MYOF: variants seen among roughly 807,000 people sequenced by gnomAD.
The protein encoded by MYOF is fer-1-like 3, myoferlin.
In MYOF, 244 loss-of-function variants were observed where a neutral mutation model predicts 284.2. The observed-to-expected ratio is 0.86, with a 90% CI of 0.77 to 0.95. MYOF has a LOEUF of 0.95. Among genes scored for constraint, MYOF ranks in the 40% least tolerant of loss-of-function variants. The pLI is 0.00. For synonymous variants in MYOF, 904 were observed against 919.7 expected, an observed-to-expected ratio of 0.98 and a Z score of 0.31; for missense variants, 2,496 against 2,560.6, an observed-to-expected ratio of 0.97 and a Z score of 0.54.
rs779524437 is a variant in MYOF at position 93,369,747 on chromosome 10, C to A, written c.2487G>T (p.Lys829Asn). The A allele has an allele frequency of 3.1e-6, 5 of 1,614,158 alleles. No individual in the cohort carries two copies. The East Asian group carries it at 1.1e-4, about 36-fold the overall frequency. Reference sequence around the variant, plus strand: ...TGTTCACTCGCAACTCCACAGGCACCTTTGGCCCGTTGTTTTTCTCCTGTG... The same window carrying A: ...TGTTCACTCGCAACTCCACAGGCACATTTGGCCCGTTGTTTTTCTCCTGTG... ...KYPQEKNNGPKVPVELRVNIW... is the reference protein window; with the variant it reads ...KYPQEKNNGPNVPVELRVNIW... Residue 829 changes from lysine to asparagine, a missense_variant, in exon 25 of 54, where the codon AAG becomes AAT. By Grantham distance (94) the Lys-to-Asn change is moderately conservative. This residue lies in a region of MYOF where 2,436 missense variants were observed against 2,480.7 expected (regional missense o/e 0.98). Transcript: ENST00000359263.
chr10:93,338,723 A>G (rs1843729952), intron 39 of MYOF, among the ~76,000 whole-genome samples: 1 of 152,162 alleles, frequency 6.6e-6, no homozygotes, highest in Non-Finnish European at 1.5e-5. Context: ...GAAGTTCCCC[A>G]GGAGAGTCCA....
intron 36 of MYOF, among the ~76,000 whole-genome samples, chr10:93,348,721 T>C (rs542591117): frequency 2.8e-4 from 43 of 152,104 alleles, no homozygotes; most frequent in Non-Finnish European, 5.7e-4. Flanking sequence ...ATGTGCAAAC[T>C]CTGGCCACTC....
At chr10:93,460,227 A>G (rs968502901) in intron 1 of MYOF, among the ~76,000 whole-genome samples, 5 of 152,184 alleles carry the variant, frequency 3.3e-5, no homozygotes, top group African/African-American at 1.2e-4. Context: ...ACAAGTCCCA[A>G]GCCTGGTTCC....
chr10:93,433,588 A>G (rs1181921245), intron 3 of MYOF, among the ~76,000 whole-genome samples: 2 of 152,268 alleles, frequency 1.3e-5, no homozygotes, highest in African/African-American at 2.4e-5. Flanking sequence ...TTAAAGTGAT[A>G]GAAGAGATTC....
intron 16 of MYOF, among the ~76,000 whole-genome samples, chr10:93,393,610 T>A (rs1053318202): frequency 1.3e-5 from 2 of 152,262 alleles, no homozygotes; most frequent in African/African-American, 4.8e-5. Context: ...CTTTAGATAT[T>A]ATTTAATGAC....
chr10:93,340,064 A>T, intron 39 of MYOF, 89 bp downstream of exon 39: 1 of 1,414,134 alleles, frequency 7.1e-7, no homozygotes, highest in Non-Finnish European at 9.8e-7. Flanking sequence ...TGGGTGAAAG[A>T]GCGAGACTCC....
At chr10:93,427,641 T>C (rs1848656677) in intron 4 of MYOF, among the ~76,000 whole-genome samples, 1 of 151,634 alleles carries the variant, frequency 6.6e-6, no homozygotes, top group Non-Finnish European at 1.5e-5. Flanking sequence ...GAAACAAATA[T>C]GCAAACCATA....
intron 9 of MYOF, among the ~76,000 whole-genome samples, chr10:93,403,270 C>G (rs557863632): frequency 6.6e-6 from 1 of 152,346 alleles, no homozygotes; most frequent in Admixed American, 6.5e-5. Flanking sequence ...CCTCCTCCTC[C>G]TCCTTCTCCT....
At chr10:93,322,235 T>G (rs1842872202) in intron 48 of MYOF, among the ~76,000 whole-genome samples, 1 of 152,210 alleles carries the variant, frequency 6.6e-6, no homozygotes, top group Non-Finnish European at 1.5e-5. Context: ...ATGAATATAT[T>G]AAATGTCGCA....
chr10:93,315,456 G>C (rs1265310842), intron 50 of MYOF, among the ~76,000 whole-genome samples: 1 of 152,166 alleles, frequency 6.6e-6, no homozygotes, highest in Non-Finnish European at 1.5e-5. Flanking sequence ...AGGACTCCGG[G>C]TGCTTTCGCC....
intron 3 of MYOF, among the ~76,000 whole-genome samples, chr10:93,441,086 G>T (rs2056233700): frequency 6.6e-6 from 1 of 152,142 alleles, no homozygotes; most frequent in Non-Finnish European, 1.5e-5. Flanking sequence ...AGCCTGAGAA[G>T]CTACTCCAGT....
At chr10:93,415,636 A>G (rs1031335255) in intron 5 of MYOF, among the ~76,000 whole-genome samples, 1 of 152,140 alleles carries the variant, frequency 6.6e-6, no homozygotes, top group Non-Finnish European at 1.5e-5. Context: ...TCCAACTCCA[A>G]ATCAATCATC....
intron 16 of MYOF, among the ~76,000 whole-genome samples, chr10:93,395,867 A>G (rs892357207): frequency 3.3e-5 from 5 of 151,464 alleles, no homozygotes; most frequent in African/African-American, 1.2e-4. Context: ...GGAGCAAGAA[A>G]GCTGAAAATC....
intron 5 of MYOF, among the ~76,000 whole-genome samples, chr10:93,422,026 A>G (rs371702981): frequency 0.093 from 145 of 1,558 alleles, no homozygotes; most frequent in Non-Finnish European, 0.26. Flanking sequence ...GCCCCGGCAA[A>G]CATTCATTTA....
intron 1 of MYOF, among the ~76,000 whole-genome samples, chr10:93,468,398 C>T (rs953419633): frequency 1.3e-5 from 2 of 152,178 alleles, no homozygotes; most frequent in Non-Finnish European, 2.9e-5. Context: ...AGAAAGCATA[C>T]CCATGCCCAA....
chr10:93,446,317 C>T (rs909283690), intron 3 of MYOF, among the ~76,000 whole-genome samples: 3 of 152,194 alleles, frequency 2.0e-5, no homozygotes, highest in Admixed American at 6.5e-5. Flanking sequence ...CTGAAGTTCT[C>T]ATCTTGTTCA....
At chr10:93,431,746 CTTTT>C (rs35400002) in intron 3 of MYOF, among the ~76,000 whole-genome samples, 1 of 131,786 alleles carries the variant, frequency 7.6e-6, no homozygotes, top group Non-Finnish European at 1.6e-5. Context: ...TCTTTCTTTT[CTTTT>C]TTTTTTTTTT....
intron 27 of MYOF, among the ~76,000 whole-genome samples, chr10:93,362,921 C>T (rs1845143293): frequency 6.6e-6 from 1 of 152,070 alleles, no homozygotes; most frequent in Non-Finnish European, 1.5e-5. Context: ...CTAGACCAAC[C>T]AAATGCAAGG....
intron 52 of MYOF, 106 bp from the exon 53 acceptor site, chr10:93,310,273 A>C (rs1423484380): frequency 1.2e-5 from 17 of 1,395,310 alleles, no homozygotes; most frequent in Non-Finnish European, 1.7e-5. Flanking sequence ...TAATAAGGTC[A>C]AGAAAAAATA....
Sources: allele counts gnomAD v4.1 joint callset (sites outside exome capture counted in the v4.1 genomes callset), GRCh38; gene constraint gnomAD v4.1.1; regional missense constraint gnomAD v4.1.1; transcripts MANE v1.5; gene names NCBI Gene and HGNC (gene_info 2026-07-23, HGNC 2026-07-21).